The following PCA3 variants were observed in gnomAD, a reference collection of about 807,000 sequenced individuals.
PCA3 encodes prostate cancer associated 3, also known as Differential Display code 3.
chr9:76,783,830 A>G (rs1050267761), intron 2 of PCA3: 2 of 152,218 alleles, frequency 1.3e-5, no homozygotes, highest in Admixed American at 1.3e-4. Flanking sequence ...ATGTTTTTGC[A>G]CATTTCCAGC....
At chr9:76,783,705 G>C (rs531860042) in intron 2 of PCA3, 1 of 152,262 alleles carries the variant, frequency 6.6e-6, no homozygotes, top group East Asian at 1.9e-4. Context: ...GTATTTCCAG[G>C]TGAGAAATAA....
intron 2 of PCA3, among the ~76,000 whole-genome samples, chr9:76,771,496 A>G (rs1408983523): frequency 6.6e-6 from 1 of 152,222 alleles, no homozygotes; most frequent in African/African-American, 2.4e-5. Flanking sequence ...GCAATGTGAC[A>G]TGAAGGCAGG....
intron 2 of PCA3, among the ~76,000 whole-genome samples, chr9:76,780,678 A>G (rs958832863): frequency 3.3e-5 from 5 of 152,126 alleles, no homozygotes; most frequent in South Asian, 2.1e-4. Context: ...GCGACAGAGC[A>G]AGACTCCGTC....
At chr9:76,781,333 C>G (rs1589196580) in intron 2 of PCA3, among the ~76,000 whole-genome samples, 1 of 152,246 alleles carries the variant, frequency 6.6e-6, no homozygotes, top group South Asian at 2.1e-4. Flanking sequence ...CCCACCACCT[C>G]TCCAGCCATG....
intron 2 of PCA3, among the ~76,000 whole-genome samples, chr9:76,775,746 G>A (rs2053663338): frequency 6.6e-6 from 1 of 152,144 alleles, no homozygotes. Flanking sequence ...CCCATTTCAG[G>A]CAAATTCTCT....
chr9:76,773,880 A>G (rs1430224554), intron 2 of PCA3, among the ~76,000 whole-genome samples: 3 of 152,222 alleles, frequency 2.0e-5, no homozygotes, highest in African/African-American at 7.2e-5. Flanking sequence ...AACCCCACAG[A>G]AAAAAGGTGG....
intron 2 of PCA3, among the ~76,000 whole-genome samples, chr9:76,776,234 C>G (rs139404183): frequency 6.6e-6 from 1 of 152,156 alleles, no homozygotes; most frequent in Non-Finnish European, 1.5e-5. Context: ...GTAGCCATCA[C>G]CTGAATAGCA....
chr9:76,767,256 G>A (rs1026970617), intron 2 of PCA3, among the ~76,000 whole-genome samples: 4 of 151,930 alleles, frequency 2.6e-5, no homozygotes, highest in African/African-American at 9.7e-5. Flanking sequence ...GTTCAAGACC[G>A]GCCTGACCAA....
intron 2 of PCA3, among the ~76,000 whole-genome samples, chr9:76,781,438 C>G (rs2054381949): frequency 6.6e-6 from 1 of 152,168 alleles, no homozygotes; most frequent in Admixed American, 6.5e-5. Context: ...CACTTCAGAG[C>G]CTTTGCACTG....
chr9:76,780,563 T>C (rs192871415), intron 2 of PCA3, among the ~76,000 whole-genome samples: 3,088 of 150,414 alleles, frequency 0.021, 95 homozygotes, highest in African/African-American at 0.063. Context: ...TGGTGGCGGG[T>C]GCCTGTAGTC....
chr9:76,770,940 G>A (rs1258370083), intron 2 of PCA3, among the ~76,000 whole-genome samples: 1 of 152,100 alleles, frequency 6.6e-6, no homozygotes, highest in Non-Finnish European at 1.5e-5. Context: ...TGAAAAAGAA[G>A]AATTAGTAAT....
At chr9:76,778,479 T>A (rs1360898865) in intron 2 of PCA3, 1 of 152,210 alleles carries the variant, frequency 6.6e-6, no homozygotes, top group Non-Finnish European at 1.5e-5. Flanking sequence ...ACTGAAACGA[T>A]GGGATGGCCA....
At chr9:76,769,496 CGT>C (rs2130906784) in intron 2 of PCA3, among the ~76,000 whole-genome samples, 2 of 42,542 alleles carry the variant, frequency 4.7e-5, no homozygotes, top group African/African-American at 2.2e-4. Context: ...AATCTCGGCT[CGT>C]CGTCGCAACC....
At chr9:76,774,450 C>CTTTTTTTATTTATTTATTTATTTATTT (rs1564272256) in intron 2 of PCA3, among the ~76,000 whole-genome samples, 1 of 41,402 alleles carries the variant, frequency 2.4e-5, no homozygotes, top group Non-Finnish European at 3.9e-5. Flanking sequence ...CAGTTCAACC[C>CTTTTTTTATTTATTTATTTATTTATTT]TTTTTTTTTT....
intron 2 of PCA3, among the ~76,000 whole-genome samples, chr9:76,777,577 G>T (rs2053936842): frequency 6.6e-6 from 1 of 152,198 alleles, no homozygotes; most frequent in Admixed American, 6.5e-5. Flanking sequence ...CCCAATTTAT[G>T]CAAGGCATTC....
intron 2 of PCA3, chr9:76,784,274 G>A (rs1306319621): frequency 6.6e-6 from 1 of 152,088 alleles, no homozygotes; most frequent in African/African-American, 2.4e-5. Flanking sequence ...TATTTGAACG[G>A]GATTACAGAT....
intron 2 of PCA3, among the ~76,000 whole-genome samples, chr9:76,777,799 G>T (rs1216930174): frequency 6.6e-6 from 1 of 152,214 alleles, no homozygotes; most frequent in African/African-American, 2.4e-5. Flanking sequence ...GGTCAGGGAA[G>T]ATGTCACCAT....
chr9:76,780,570 A>G (rs973838036), intron 2 of PCA3, among the ~76,000 whole-genome samples: 2 of 152,082 alleles, frequency 1.3e-5, no homozygotes, highest in Non-Finnish European at 2.9e-5. Flanking sequence ...GGGTGCCTGT[A>G]GTCCCAGCTA....
intron 2 of PCA3, among the ~76,000 whole-genome samples, chr9:76,765,846 A>G (rs2052306916): frequency 6.6e-6 from 1 of 152,162 alleles, no homozygotes; most frequent in South Asian, 2.1e-4. Flanking sequence ...AACCTCTAAG[A>G]TCCAGCTTTA....
Sources: allele counts gnomAD v4.1 joint callset (sites outside exome capture counted in the v4.1 genomes callset), GRCh38; gene constraint gnomAD v4.1.1; transcripts MANE v1.5; gene names NCBI Gene and HGNC (gene_info 2026-07-23, HGNC 2026-07-21).